Variants in SLC30A8 observed in about 807,000 individuals in gnomAD.
SLC30A8 encodes solute carrier family 30 member 8.
A neutral mutation model predicts 36.9 loss-of-function variants in SLC30A8; 27 were observed. That is an observed-to-expected ratio of 0.73 (90% CI 0.54 to 1.01). SLC30A8 has a LOEUF of 1.01. Among genes scored for constraint, SLC30A8 ranks in the 50% least tolerant of loss-of-function variants. SLC30A8 has a pLI of 0.00. For synonymous variants in SLC30A8, 164 were observed against 172.4 expected (o/e 0.95, Z 0.38); for missense variants, 439 against 452.0 (o/e 0.97, Z 0.26).
rs2129822277 is a variant in SLC30A8 at position 117,176,134 on chromosome 8, T to TAA, written c.*3455_*3456dup. 1 of 152,242 alleles carries TAA rather than the reference T, an allele frequency of 6.6e-6. No homozygotes were observed. The highest frequency in any genetic ancestry group is 2.1e-4 in the South Asian group (1 of 4,830). The allele number at this position is 152,242 out of a possible 1,614,324, so 9.4% of individuals were successfully genotyped here. A position where few individuals can be genotyped will look rare whatever the true frequency, so the allele number is the denominator to read the frequency against. On this transcript the variant is annotated 3_prime_UTR_variant, in exon 8 of 8. Transcript: ENST00000456015. ...CGGGTGCATTTCTTTCTCTGGTTTC[T>TAA]AAATTGCCAGTGGCAAATTTGGATC...
chr8:117,077,222 G>A (rs557787331), intron 2 of SLC30A8, among the ~76,000 whole-genome samples: 5 of 152,218 alleles, frequency 3.3e-5, no homozygotes, highest in African/African-American at 1.2e-4. Context: ...CAGAATCCCC[G>A]GAGGAGCTTG....
chr8:116,979,932 A>G (rs1267672091), intron 1 of SLC30A8, among the ~76,000 whole-genome samples: 1 of 152,240 alleles, frequency 6.6e-6, no homozygotes, highest in African/African-American at 2.4e-5. Flanking sequence ...ATTTCCAAAG[A>G]AACAGAAGCT....
rs572901829 is a variant in SLC30A8, at chr8:117,035,578, C to T, written c.-265-3641C>T. ...ATCTACCATTCTGGGATGTGGAGGA[C>T]AGTGGCCCTCTTCTCACAGTTCCAC... On this transcript the variant is annotated intron_variant, in intron 1 of 10. Transcript: ENST00000427715. Among the ~76,000 whole-genome samples, 11 of 152,348 alleles carry T rather than the reference C, an allele frequency of 7.2e-5. No individual in the cohort carries two copies. The South Asian group carries it at 1.9e-3, about 26-fold the overall frequency.
At position 117,176,324 on chromosome 8, in the gene SLC30A8, A is replaced by AAGAG. The variant is rs1163234850; in HGVS notation, c.*3645_*3648dup. The stretch of plus-strand genomic sequence containing the variant: ...GAAATATGATCCAGAGAGTCTTGCA[A>AAGAG]AGAGACAAGCCTCATTTTCCACAAT... On this transcript the variant is annotated 3_prime_UTR_variant, in exon 8 of 8. Coordinates refer to ENST00000456015, the MANE Select transcript of SLC30A8 (RefSeq NM_173851.3). 2 of 152,494 alleles carry AAGAG rather than the reference A, an allele frequency of 1.3e-5. No individual in the cohort carries two copies. The highest frequency in any genetic ancestry group is 2.9e-5 in the Non-Finnish European group (2 of 67,992). The allele number at this position is 152,494 out of a possible 1,614,324, so 9.4% of individuals were successfully genotyped here. A position where few individuals can be genotyped will look rare whatever the true frequency, so the allele number is the denominator to read the frequency against.
chr8:117,117,680 T>C (rs1451520505), intron 2 of SLC30A8, among the ~76,000 whole-genome samples: 1 of 151,922 alleles, frequency 6.6e-6, no homozygotes, highest in African/African-American at 2.4e-5. Flanking sequence ...TTTATAGGAC[T>C]TAAGGGAGAA....
intron 2 of SLC30A8, among the ~76,000 whole-genome samples, chr8:117,091,405 C>T (rs1330650070): frequency 6.6e-6 from 1 of 152,230 alleles, no homozygotes; most frequent in East Asian, 1.9e-4. Flanking sequence ...TTTCAGAAGT[C>T]CTTTATTCCA....
chr8:117,125,051 A>G (rs1359581235), intron 2 of SLC30A8, among the ~76,000 whole-genome samples: 4 of 152,082 alleles, frequency 2.6e-5, no homozygotes, highest in Non-Finnish European at 5.9e-5. Flanking sequence ...ATTTCTTTTT[A>G]GTGAAAGAAC....
At chr8:117,141,905 ATCTC>A (rs778687725) in intron 1 of SLC30A8, among the ~76,000 whole-genome samples, 11 of 152,266 alleles carry the variant, frequency 7.2e-5, no homozygotes, top group Admixed American at 2.6e-4. Flanking sequence ...TTAGCTAAAA[ATCTC>A]TCAAGCAGCC....
chr8:116,997,617 AG>A (rs1396175959), intron 1 of SLC30A8, among the ~76,000 whole-genome samples: 1 of 152,222 alleles, frequency 6.6e-6, no homozygotes, highest in African/African-American at 2.4e-5. Context: ...ATCTAAAAAT[AG>A]GACTTGGAAA....
chr8:116,955,619 A>G (rs1050108188), intron 1 of SLC30A8, among the ~76,000 whole-genome samples: 2 of 151,960 alleles, frequency 1.3e-5, no homozygotes, highest in African/African-American at 4.8e-5. Flanking sequence ...AGTTGCAGCT[A>G]CTTGGGAGGC....
intron 2 of SLC30A8, among the ~76,000 whole-genome samples, chr8:117,103,497 CAG>C (rs1819820786): frequency 6.8e-6 from 1 of 146,164 alleles, no homozygotes; most frequent in Non-Finnish European, 1.5e-5. Context: ...TTGTTTGAGA[CAG>C]GGTCTCACTC....
chr8:117,016,845 T>C (rs976580719), intron 1 of SLC30A8, among the ~76,000 whole-genome samples: 1 of 152,214 alleles, frequency 6.6e-6, no homozygotes, highest in African/African-American at 2.4e-5. Flanking sequence ...TCCATTGTTA[T>C]GATGATACTG....
intron 2 of SLC30A8, among the ~76,000 whole-genome samples, chr8:117,094,696 G>A (rs868524228): frequency 3.3e-5 from 5 of 152,274 alleles, no homozygotes; most frequent in Middle Eastern, 3.4e-3. Flanking sequence ...CAGGCTTCAG[G>A]CTCTCCCTGG....
At chr8:117,063,571 G>A (rs778129399) in intron 2 of SLC30A8, among the ~76,000 whole-genome samples, 2 of 152,090 alleles carry the variant, frequency 1.3e-5, no homozygotes, top group Non-Finnish European at 2.9e-5. Flanking sequence ...AAAATATATT[G>A]GAAATATTAT....
intron 4 of SLC30A8, 25 bp downstream of exon 4, chr8:117,157,869 C>T: frequency 6.2e-7 from 1 of 1,612,446 alleles, no homozygotes; most frequent in Non-Finnish European, 8.5e-7. Flanking sequence ...GGTCCCCACA[C>T]ACTGCTCATG....
At chr8:117,118,060 C>A (rs781675150) in intron 2 of SLC30A8, among the ~76,000 whole-genome samples, 2 of 151,532 alleles carry the variant, frequency 1.3e-5, no homozygotes, top group Non-Finnish European at 2.9e-5. Context: ...TTAGAAGTCA[C>A]CAAAATTGTG....
At chr8:117,008,821 T>A (rs1816257718) in intron 1 of SLC30A8, among the ~76,000 whole-genome samples, 1 of 152,136 alleles carries the variant, frequency 6.6e-6, no homozygotes, top group Admixed American at 6.5e-5. Flanking sequence ...GGTCAAGCAT[T>A]TGTTTTGTAT....
At position 117,153,091 on chromosome 8, in the gene SLC30A8, G is replaced by A. The variant is rs560217181; in HGVS notation, c.418+1G>A. 4.4e-6 allele frequency: 7 copies of A among 1,603,888 alleles called. No individual in the cohort carries two copies. The highest frequency in any genetic ancestry group is 4.0e-5 in the African/African-American group (3 of 74,792). ...CTGACATTTGGATGGCACCGAGCAGGTACGGTTCATAGAGTGAGCAATAAC... is the reference window on the plus strand; with the variant it reads ...CTGACATTTGGATGGCACCGAGCAGATACGGTTCATAGAGTGAGCAATAAC... On this transcript the variant is annotated splice_donor_variant, in intron 3 of 7. Transcript: ENST00000456015. LOFTEE classifies it high-confidence loss of function.
intron 1 of SLC30A8, among the ~76,000 whole-genome samples, chr8:116,981,505 T>G (rs1815259882): frequency 6.6e-6 from 1 of 152,174 alleles, no homozygotes; most frequent in Non-Finnish European, 1.5e-5. Flanking sequence ...TACAGATTAT[T>G]TCACCACCCA....
Sources: allele counts gnomAD v4.1 joint callset (sites outside exome capture counted in the v4.1 genomes callset), GRCh38; gene constraint gnomAD v4.1.1; transcripts MANE v1.5; gene names NCBI Gene and HGNC (gene_info 2026-07-23, HGNC 2026-07-21).